ACAD10: variants seen among roughly 807,000 people sequenced by gnomAD.
ACAD10 encodes acyl-CoA dehydrogenase family member 10, also known as ACAD-10.
A neutral mutation model predicts 116.8 loss-of-function variants in ACAD10; 112 were observed. The observed-to-expected ratio is 0.96, with a 90% confidence interval of 0.82 to 1.12. The LOEUF (loss-of-function observed/expected upper bound fraction) is 1.12, where lower values mean the gene tolerates loss of function less well. Ranked by LOEUF, ACAD10 falls within the 50% of genes most tolerant of loss-of-function variation. ACAD10 has a pLI of 0.00. For synonymous variants in ACAD10, 486 were observed against 510.6 expected (o/e 0.95, Z 0.65); for missense variants, 1,259 against 1,350.2 (o/e 0.93, Z 1.06).
chr12:111,738,937 A>G (rs1889651973), intron 12 of ACAD10, among the ~76,000 whole-genome samples: 1 of 133,616 alleles, frequency 7.5e-6, no homozygotes, highest in African/African-American at 2.8e-5. Context: ...ACAAAGTCTC[A>G]TTGATGACCT....
intron 8 of ACAD10, among the ~76,000 whole-genome samples, chr12:111,723,182 C>T (rs1156697092): frequency 7.3e-6 from 1 of 136,882 alleles, no homozygotes; most frequent in African/African-American, 2.7e-5. Flanking sequence ...GGCGGCTGGC[C>T]GGGTGGGGGG....
chr12:111,751,459 G>T (rs1390516961), intron 18 of ACAD10, among the ~76,000 whole-genome samples: 1 of 152,156 alleles, frequency 6.6e-6, no homozygotes, highest in Admixed American at 6.6e-5. Flanking sequence ...GGCTGGGCGC[G>T]GTGGCTAACG....
In ACAD10 at chr12:111,756,856, G is replaced by A; in HGVS notation, c.*383G>A. The A allele has an allele frequency of 2.2e-6, 1 of 462,932 alleles. No individual in the cohort carries two copies. Among genetic ancestry groups the A allele is most frequent in the Non-Finnish European group, 4.3e-6 (1 of 231,578 alleles). The allele number at this position is 462,932 out of a possible 1,614,324, so 28.7% of individuals were successfully genotyped here. Reference sequence around the variant, plus strand: ...GAGGCCTCCCAAGGCTGTGGGACGTGCTTGCTCTGGCAGCTGCAGGGTTCC... The same window carrying A: ...GAGGCCTCCCAAGGCTGTGGGACGTACTTGCTCTGGCAGCTGCAGGGTTCC... On this transcript the variant is annotated 3_prime_UTR_variant, in exon 21 of 21. Transcript: ENST00000313698.
At chr12:111,725,801 C>T (rs953156099) in intron 8 of ACAD10, among the ~76,000 whole-genome samples, 2 of 151,896 alleles carry the variant, frequency 1.3e-5, no homozygotes, top group African/African-American at 4.8e-5. Context: ...TCCCAAAGTG[C>T]TGGATTACAG....
At chr12:111,723,674 C>G (rs1163327871) in intron 8 of ACAD10, among the ~76,000 whole-genome samples, 2 of 124,658 alleles carry the variant, frequency 1.6e-5, no homozygotes, top group Non-Finnish European at 3.3e-5. Context: ...CCGGACGGGG[C>G]GGGGGGCTGA....
Position 111,756,403 on chromosome 12 carries a change from G to T in ACAD10, c.3110G>T (p.Arg1037Leu), listed in dbSNP as rs202009645. Reference sequence around the variant, plus strand: ...TTCTTCACCTGGGCCCGAGCCCTGCGCTTTGCCGACGGCCCTGACGAGGTG... The same window carrying T: ...TTCTTCACCTGGGCCCGAGCCCTGCTCTTTGCCGACGGCCCTGACGAGGTG... ...AQFFTWARAL[R>L]FADGPDEVHR... is the part of the protein sequence containing the mutation. The change falls in exon 21 of 21, where the codon CGC (arginine) becomes CTC (leucine). Residue 1037 changes from arginine to leucine, a missense_variant. Coordinates refer to ENST00000313698, the MANE Select transcript of ACAD10 (RefSeq NM_025247.6). The T allele has an allele frequency of 5.6e-6, 9 of 1,612,402 alleles. No homozygotes were observed. The highest frequency in any genetic ancestry group is 1.7e-4 in the Middle Eastern group (1 of 6,058).
Position 111,729,808 on chromosome 12 carries a change from G to A in ACAD10, c.1246G>A (p.Asp416Asn). ...AGTTCTAATCCTATTTCCCGCAGGG[G>A]ACTATATTCCACGCCAGGTACGAAC... ...VGLEDYGKQG[D>N]YIPRQVRTWV... The change falls in exon 10 of 21, where the codon GAC becomes AAC. Residue 416 changes from aspartate to asparagine, a missense_variant and splice_region_variant. Physicochemically the swap from Asp to Asn is conservative, Grantham distance 23. Coordinates refer to ENST00000313698, the MANE Select transcript of ACAD10 (RefSeq NM_025247.6). 1 of 1,613,400 alleles carries A rather than the reference G, an allele frequency of 6.2e-7. No individual in the cohort carries two copies. Among genetic ancestry groups the A allele is most frequent in the African/African-American group, 1.3e-5 (1 of 75,024 alleles).
intron 2 of ACAD10, among the ~76,000 whole-genome samples, chr12:111,693,695 G>C (rs963864782): frequency 1.3e-5 from 2 of 151,994 alleles, no homozygotes; most frequent in Admixed American, 6.6e-5. Flanking sequence ...ACAGGGTAAG[G>C]GTCAGCCCTC....
intron 11 of ACAD10, among the ~76,000 whole-genome samples, chr12:111,735,437 C>T (rs1159725894): frequency 6.6e-6 from 1 of 151,890 alleles, no homozygotes; most frequent in African/African-American, 2.4e-5. Flanking sequence ...ATGAAAATGT[C>T]ACAACTGGAG....
At position 111,744,775 on chromosome 12, in the gene ACAD10, G is replaced by C. The variant is rs769876908; in HGVS notation, c.1847G>C (p.Arg616Thr). ...ATGCCCTTCACAAATCCGTTAACAA[G>C]GTCCTACCACACGTGGGCCAGGCCC... ...KEMPFTNPLT[R>T]SYHTWARPQS... is the part of the protein sequence containing the mutation. Residue 616 changes from arginine (R) to threonine (T), a missense_variant, in exon 13 of 21, where the codon AGG becomes ACG. Arg to Thr is a moderately conservative substitution (Grantham distance 71). Transcript: ENST00000313698. The C allele has an allele frequency of 9.3e-6, 15 of 1,614,244 alleles. No individual in the cohort carries two copies. Among genetic ancestry groups the C allele is most frequent in the Non-Finnish European group, 1.3e-5 (15 of 1,180,046 alleles).
rs966920795 is a variant in ACAD10 at position 111,705,730 on chromosome 12, G to A, written c.337-8G>A. ...TTGCTGTTCTCCTGTGCCCTCTCCT[G>A]TTCTTAGTTAAAGACCTCCGTGCCT... On this transcript the variant is annotated splice_polypyrimidine_tract_variant and splice_region_variant and intron_variant, in intron 3 of 20. Transcript: ENST00000313698. 6.2e-7 allele frequency: 1 copy of A among 1,613,186 alleles called. No individual in the cohort carries two copies. The highest frequency in any genetic ancestry group is 1.3e-5 in the African/African-American group (1 of 74,934).
At chr12:111,735,832 A>G (rs575280987) in intron 11 of ACAD10, among the ~76,000 whole-genome samples, 25 of 151,402 alleles carry the variant, frequency 1.7e-4, no homozygotes, top group East Asian at 5.8e-4. Context: ...TTATTTATTT[A>G]TTTGTTTATT....
At chr12:111,711,570 T>G (rs2135957565) in intron 5 of ACAD10, among the ~76,000 whole-genome samples, 1 of 134,126 alleles carries the variant, frequency 7.5e-6, no homozygotes, top group Non-Finnish European at 1.6e-5. Flanking sequence ...TTTCGTCCAG[T>G]CCAGACTGCA....
chr12:111,706,966 C>T lies in ACAD10; in HGVS notation c.531+1034C>T, dbSNP rs562024141. Among the ~76,000 whole-genome samples the T allele has an allele frequency of 3.5e-5, 5 of 141,036 alleles. No individual in the cohort carries two copies. The South Asian group carries it at 1.2e-3, about 33-fold the overall frequency. 92.5% of individuals were successfully genotyped at this position (141,036 alleles called of 152,430 possible). The stretch of plus-strand genomic sequence containing the variant: ...ACCACCCCTGAATTTTTAGTAGAGA[C>T]AGGGTTTCACCATGTTGGCCAGGCT... On this transcript the variant is annotated intron_variant, in intron 4 of 20. Coordinates refer to ENST00000313698, the MANE Select transcript of ACAD10 (RefSeq NM_025247.6).
chr12:111,746,368 A>G, intron 14 of ACAD10, 84 bp downstream of exon 14: 2 of 1,432,454 alleles, frequency 1.4e-6, no homozygotes, highest in South Asian at 1.5e-5. Flanking sequence ...AACCAGATTC[A>G]GAAGCACTGG....
At chr12:111,743,922 T>G (rs1460356073) in intron 12 of ACAD10, among the ~76,000 whole-genome samples, 2 of 151,956 alleles carry the variant, frequency 1.3e-5, no homozygotes. Flanking sequence ...AATTTTTGTA[T>G]TTTTAGTAGA....
In ACAD10 at chr12:111,705,175, G is replaced by GT. The variant is rs765988647; in HGVS notation, c.337-553dup. Among the ~76,000 whole-genome samples the GT allele has an allele frequency of 1.5e-3, 217 of 147,288 alleles. 2 individuals are homozygous for GT. Among genetic ancestry groups the GT allele is most frequent in the East Asian group, 5.5e-3 (28 of 5,072 alleles). ...TCACTGTATCCTCTTATGATATGCT[G>GT]TTTTTTTTTTCAACTAGCAATCCAT... On this transcript the variant is annotated intron_variant, in intron 3 of 20. Coordinates refer to ENST00000313698, the MANE Select transcript of ACAD10 (RefSeq NM_025247.6).
intron 12 of ACAD10, among the ~76,000 whole-genome samples, chr12:111,742,630 CAGG>C (rs1216321390): frequency 6.6e-6 from 1 of 152,106 alleles, no homozygotes; most frequent in Admixed American, 6.6e-5. Context: ...TAGACTGAGA[CAGG>C]AGGATTGTTT....
chr12:111,752,226 GA>G (rs943862673), intron 18 of ACAD10, among the ~76,000 whole-genome samples: 27 of 143,312 alleles, frequency 1.9e-4, no homozygotes, highest in South Asian at 8.9e-4. Context: ...CCCTGTCTGG[GA>G]AAAAAAAAAA....
Sources: allele counts gnomAD v4.1 joint callset (sites outside exome capture counted in the v4.1 genomes callset), GRCh38; gene constraint gnomAD v4.1.1; transcripts MANE v1.5; gene names NCBI Gene and HGNC (gene_info 2026-07-23, HGNC 2026-07-21).